Variants in TET2 observed in about 807,000 individuals in gnomAD.
TET2 encodes methylcytosine dioxygenase TET2.
A neutral mutation model predicts 142.9 loss-of-function variants in TET2; 299 were observed. That is an observed-to-expected ratio of 2.09 (90% CI 1.90 to 2.30). The LOEUF is 2.30. TET2 is among the 30% of genes most tolerant of loss of function. The pLI is 0.00. For synonymous variants in TET2, 819 were observed against 849.0 expected (o/e 0.96, Z 0.61); for missense variants, 2,418 against 2,378.0 (o/e 1.02, Z -0.35).
At position 105,190,357 on chromosome 4, in the gene TET2, T is replaced by A; in HGVS notation, c.-192-3T>A. 1 of 667,264 alleles carries A rather than the reference T, an allele frequency of 1.5e-6. No homozygotes were observed. Among genetic ancestry groups the A allele is most frequent in the Admixed American group, 2.3e-5 (1 of 43,720 alleles). The allele number at this position is 667,264 out of a possible 1,614,324, so 41.3% of individuals were successfully genotyped here. A position where few individuals can be genotyped will look rare whatever the true frequency, so the allele number is the denominator to read the frequency against. On this transcript the variant is annotated splice_region_variant and splice_polypyrimidine_tract_variant and intron_variant, in intron 1 of 10. Coordinates refer to ENST00000380013, the MANE Select transcript of TET2 (RefSeq NM_001127208.3). ...AAAAATGTTCAAACTCTGTCTTCTC[T>A]AGGCTGGCAAACATTCAGCAGCACA... is the stretch of plus-strand genomic sequence containing the variant.
At chr4:105,195,083 A>G (rs1224412735) in intron 2 of TET2, among the ~76,000 whole-genome samples, 3 of 152,170 alleles carry the variant, frequency 2.0e-5, no homozygotes, top group Non-Finnish European at 4.4e-5. Context: ...GCATATCCAC[A>G]TATGATGTGT....
At chr4:105,210,730 C>T (rs1289459942) in intron 2 of TET2, among the ~76,000 whole-genome samples, 1 of 152,160 alleles carries the variant, frequency 6.6e-6, no homozygotes, top group East Asian at 1.9e-4. Flanking sequence ...CACATCTAAT[C>T]CATTACCAAG....
At chr4:105,155,633 A>C (rs1723528601) in intron 1 of TET2, among the ~76,000 whole-genome samples, 8 of 152,166 alleles carry the variant, frequency 5.3e-5, no homozygotes, top group Admixed American at 5.2e-4. Context: ...CTCCCTTTTT[A>C]TTCTCATGAG....
Position 105,276,821 on chromosome 4 carries a change from A to G in TET2, c.*302A>G. The G allele has an allele frequency of 3.5e-6, 1 of 288,346 alleles. No individual in the cohort carries two copies. Among genetic ancestry groups the G allele is most frequent in the East Asian group, 4.6e-5 (1 of 21,584 alleles). The allele number at this position is 288,346 out of a possible 1,614,324, so 17.9% of individuals were successfully genotyped here. A position where few individuals can be genotyped will look rare whatever the true frequency, so the allele number is the denominator to read the frequency against. ...AACACTGGTTCTATTATTGGACGAG[A>G]TGATATGTAAATGTGATCCCCCCCC... On this transcript the variant is annotated 3_prime_UTR_variant, in exon 11 of 11. Coordinates refer to ENST00000380013, the MANE Select transcript of TET2 (RefSeq NM_001127208.3).
chr4:105,249,084 A>G (rs377499994), intron 6 of TET2, among the ~76,000 whole-genome samples: 80 of 150,934 alleles, frequency 5.3e-4, no homozygotes, highest in East Asian at 3.1e-3. Flanking sequence ...CTAGGGTGCA[A>G]TGGTGCAACC....
chr4:105,147,515 C>T (rs1023576891), intron 1 of TET2: 3 of 152,246 alleles, frequency 2.0e-5, no homozygotes, highest in African/African-American at 4.8e-5. Flanking sequence ...TCTTATCCCC[C>T]TTTAGGGGGC....
intron 3 of TET2, chr4:105,239,866 C>T (rs1729197375): frequency 4.3e-6 from 1 of 235,268 alleles, no homozygotes; most frequent in Non-Finnish European, 8.8e-6. Context: ...GCATACAACT[C>T]TTCCTTTCAC....
intron 2 of TET2, among the ~76,000 whole-genome samples, chr4:105,222,955 C>T (rs1727937100): frequency 6.6e-6 from 1 of 152,164 alleles, no homozygotes; most frequent in Admixed American, 6.6e-5. Flanking sequence ...TTTCCCAGCA[C>T]CATTTATTAA....
chr4:105,169,874 T>G (rs1178016946), intron 1 of TET2, among the ~76,000 whole-genome samples: 5 of 152,148 alleles, frequency 3.3e-5, no homozygotes, highest in African/African-American at 1.2e-4. Context: ...GTTTGCTTTG[T>G]CAAAGGTCAG....
intron 1 of TET2, among the ~76,000 whole-genome samples, chr4:105,185,507 G>A (rs979758543): frequency 1.3e-5 from 2 of 152,140 alleles, no homozygotes; most frequent in Non-Finnish European, 2.9e-5. Context: ...GAGACCAGGC[G>A]CAGTGGCTCA....
chr4:105,193,156 G>A (rs759631394), intron 2 of TET2, among the ~76,000 whole-genome samples: 1 of 152,140 alleles, frequency 6.6e-6, no homozygotes, highest in Non-Finnish European at 1.5e-5. Context: ...GACAGGGCAT[G>A]GCCTGGATCC....
intron 2 of TET2, among the ~76,000 whole-genome samples, chr4:105,221,804 G>A (rs1480609080): frequency 3.3e-5 from 5 of 151,626 alleles, no homozygotes; most frequent in African/African-American, 1.2e-4. Context: ...ATGCTGGTGC[G>A]CTGCACCCAC....
In TET2 at chr4:105,234,754, C is replaced by G. The variant is rs1428208203; in HGVS notation, c.812C>G (p.Ser271Ter). ...SCEITHPSHT[S>*]GQINSAQTSN... is the part of the protein sequence containing the mutation. ...GAGATCACTCACCCATCGCATACCT[C>G]AGGGCAGATCAATTCCGCACAGACC... The change falls in exon 3 of 11, where the codon TCA (serine) becomes TGA (stop). Residue 271 changes from serine to a stop codon, truncating the protein, a stop_gained. Transcript: ENST00000380013. LOFTEE classifies it high-confidence loss of function. The G allele has an allele frequency of 6.2e-7, 1 of 1,613,828 alleles. No individual in the cohort carries two copies. The highest frequency in any genetic ancestry group is 8.5e-7 in the Non-Finnish European group (1 of 1,179,946).
At chr4:105,273,829 T>C (rs1731075773) in intron 10 of TET2, among the ~76,000 whole-genome samples, 5 of 152,148 alleles carry the variant, frequency 3.3e-5, no homozygotes, top group African/African-American at 1.2e-4. Flanking sequence ...ATTACAGCTG[T>C]AGTAATAACA....
intron 2 of TET2, among the ~76,000 whole-genome samples, chr4:105,206,203 A>G (rs1726814693): frequency 6.6e-6 from 1 of 152,218 alleles, no homozygotes; most frequent in African/African-American, 2.4e-5. Flanking sequence ...CCTGCTGCCC[A>G]TAAGCATTCT....
In TET2 at chr4:105,275,677, C is replaced by T. The variant is rs146348065; in HGVS notation, c.5167C>T (p.Pro1723Ser). Residue 1723 changes from proline to serine, a missense_variant, in exon 11 of 11, where the codon CCT becomes TCT. Transcript: ENST00000380013. ...PNVHHVGKLPPYPTHEMDGHF... is the reference protein window; with the variant it reads ...PNVHHVGKLPSYPTHEMDGHF... ...TGTACATCATGTAGGGAAATTGCCTCCTTATCCCACTCATGAGATGGATGG... is the reference window on the plus strand; with the variant it reads ...TGTACATCATGTAGGGAAATTGCCTTCTTATCCCACTCATGAGATGGATGG... The T allele has an allele frequency of 0.011, 16,433 of 1,551,848 alleles. 113 individuals carry two copies. Among genetic ancestry groups the T allele is most frequent in the Non-Finnish European group, 0.013 (14,870 of 1,146,986 alleles).
chr4:105,155,886 T>A lies in TET2; in HGVS notation c.-193+8907T>A, dbSNP rs141229107. Among the ~76,000 whole-genome samples the A allele has an allele frequency of 1.9e-3, 288 of 152,332 alleles. 1 individual carries two copies. The highest frequency in any genetic ancestry group is 8.3e-3 in the South Asian group (40 of 4,826). On this transcript the variant is annotated intron_variant, in intron 1 of 10. Coordinates refer to ENST00000380013, the MANE Select transcript of TET2 (RefSeq NM_001127208.3). ...ATGATCATAGCATCTACTTGTAGGT[T>A]TGTTGAGTATGTTTGACAAGCCCAA...
chr4:105,162,905 TAAAGA>T (rs1392638306), intron 1 of TET2, among the ~76,000 whole-genome samples: 5 of 152,072 alleles, frequency 3.3e-5, no homozygotes, highest in Admixed American at 3.3e-4. Flanking sequence ...AGATTAATGA[TAAAGA>T]GAAAGAAAAG....
At chr4:105,227,811 T>A (rs1408357514) in intron 2 of TET2, among the ~76,000 whole-genome samples, 1 of 152,088 alleles carries the variant, frequency 6.6e-6, no homozygotes, top group Non-Finnish European at 1.5e-5. Flanking sequence ...TTTAAATTCA[T>A]AAAAAAAATT....
Sources: allele counts gnomAD v4.1 joint callset (sites outside exome capture counted in the v4.1 genomes callset), GRCh38; gene constraint gnomAD v4.1.1; transcripts MANE v1.5; gene names NCBI Gene and HGNC (gene_info 2026-07-23, HGNC 2026-07-21).